The following SDC2 variants were observed in gnomAD, a reference collection of about 807,000 sequenced individuals.
SDC2 encodes syndecan 2, also known as syndecan-2.
SDC2 carries 13 observed loss-of-function variants against 22.2 expected under a neutral mutation model. The ratio of observed to expected loss-of-function variants is 0.59; its 90% CI spans 0.38 to 0.93. The LOEUF (loss-of-function observed/expected upper bound fraction) is 0.93, where lower values mean the gene tolerates loss of function less well. Among genes scored for constraint, SDC2 ranks in the 40% least tolerant of loss-of-function variants. The pLI is 0.00. For synonymous variants in SDC2, 94 were observed against 92.8 expected, an observed-to-expected ratio of 1.01 and a Z score of -0.07; for missense variants, 235 against 246.8, an observed-to-expected ratio of 0.95 and a Z score of 0.32.
chr8:96,521,023 G>C (rs896357706), intron 1 of SDC2, among the ~76,000 whole-genome samples: 1 of 152,158 alleles, frequency 6.6e-6, no homozygotes, highest in Non-Finnish European at 1.5e-5. Flanking sequence ...TCATTTTATT[G>C]ATCAAGAAGC....
At chr8:96,506,633 C>T (rs995893805) in intron 1 of SDC2, among the ~76,000 whole-genome samples, 30 of 152,018 alleles carry the variant, frequency 2.0e-4, no homozygotes, top group Admixed American at 7.2e-4. Flanking sequence ...CCAGTCCTGG[C>T]TGAGTTTTTG....
intron 4 of SDC2, among the ~76,000 whole-genome samples, chr8:96,608,990 A>G (rs1815131272): frequency 6.6e-6 from 1 of 152,246 alleles, no homozygotes; most frequent in Non-Finnish European, 1.5e-5. Context: ...ATAAATTTGC[A>G]TGCTTTTTTT....
At chr8:96,513,183 G>A (rs1395471036) in intron 1 of SDC2, among the ~76,000 whole-genome samples, 1 of 152,066 alleles carries the variant, frequency 6.6e-6, no homozygotes, top group Non-Finnish European at 1.5e-5. Flanking sequence ...AAAATAACAT[G>A]GTATTTCCAA....
intron 1 of SDC2, among the ~76,000 whole-genome samples, chr8:96,546,710 A>C (rs1351207608): frequency 6.6e-6 from 1 of 152,176 alleles, no homozygotes; most frequent in East Asian, 1.9e-4. Context: ...AAGGAGGTGA[A>C]TTACTAGTTA....
chr8:96,599,411 T>G (rs139942985), intron 2 of SDC2, among the ~76,000 whole-genome samples: 1 of 152,326 alleles, frequency 6.6e-6, no homozygotes, highest in Non-Finnish European at 1.5e-5. Flanking sequence ...TCATTGAAGT[T>G]TTATTCTTTG....
intron 1 of SDC2, among the ~76,000 whole-genome samples, chr8:96,524,523 C>T (rs1336405202): frequency 6.6e-6 from 1 of 152,128 alleles, no homozygotes; most frequent in Non-Finnish European, 1.5e-5. Flanking sequence ...GTATCAACTC[C>T]TCTGGTTTCA....
At chr8:96,575,369 G>A in intron 1 of SDC2, among the ~76,000 whole-genome samples, 1 of 149,936 alleles carries the variant, frequency 6.7e-6, no homozygotes, top group East Asian at 2.0e-4. Context: ...GGGGTGGTGG[G>A]GGTAGGGTGG....
At chr8:96,501,469 A>G (rs969621135) in intron 1 of SDC2, among the ~76,000 whole-genome samples, 1 of 151,320 alleles carries the variant, frequency 6.6e-6, no homozygotes, top group South Asian at 2.1e-4. Context: ...ACGCCTGGCT[A>G]TTCTTTTTTT....
chr8:96,596,429 T>C (rs142952604), intron 2 of SDC2, among the ~76,000 whole-genome samples: 286 of 152,314 alleles, frequency 1.9e-3, no homozygotes, highest in African/African-American at 6.5e-3. Flanking sequence ...GATAGGACTA[T>C]GTTCTATATG....
chr8:96,501,692 G>A (rs780184853), intron 1 of SDC2, among the ~76,000 whole-genome samples: 9 of 152,090 alleles, frequency 5.9e-5, no homozygotes, highest in Non-Finnish European at 1.3e-4. Flanking sequence ...CAAGGCAAAA[G>A]CAAGGTTTTA....
At position 96,565,084 on chromosome 8, in the gene SDC2, A is replaced by ATTTTTTTTTTTTTTT. The variant is rs11304418; in HGVS notation, c.61-28395_61-28381dup. Among the ~76,000 whole-genome samples, 426 of 67,716 alleles carry ATTTTTTTTTTTTTTT rather than the reference A, an allele frequency of 6.3e-3. 55 individuals are homozygous for ATTTTTTTTTTTTTTT. The highest frequency in any genetic ancestry group is 0.028 in the Middle Eastern group (2 of 72). 44.4% of individuals were successfully genotyped at this position (67,716 alleles called of 152,430 possible). ...GATCACTGAGACCATCCTAAATTTGATTTTTTTTTTTTTTTGTTGAGATGG... is the reference window on the plus strand; with the variant it reads ...GATCACTGAGACCATCCTAAATTTGATTTTTTTTTTTTTTTTTTTTTTTTTTTTTTGTTGAGATGG... On this transcript the variant is annotated intron_variant, in intron 1 of 4. Transcript: ENST00000302190.
At chr8:96,555,841 A>G (rs1814099650) in intron 1 of SDC2, among the ~76,000 whole-genome samples, 1 of 152,194 alleles carries the variant, frequency 6.6e-6, no homozygotes. Context: ...GGGCACCCAT[A>G]CAAACCCACA....
intron 1 of SDC2, among the ~76,000 whole-genome samples, chr8:96,526,557 C>T (rs1813581592): frequency 6.6e-6 from 1 of 152,028 alleles, no homozygotes; most frequent in Non-Finnish European, 1.5e-5. Context: ...TGCAGGAAGG[C>T]CAACGCAGGT....
intron 1 of SDC2, among the ~76,000 whole-genome samples, chr8:96,500,144 A>G (rs1027458653): frequency 6.6e-6 from 1 of 152,162 alleles, no homozygotes; most frequent in Non-Finnish European, 1.5e-5. Context: ...TGTCAAGAAT[A>G]AAGAAGACAT....
intron 1 of SDC2, among the ~76,000 whole-genome samples, chr8:96,534,345 A>G (rs1310448709): frequency 6.6e-6 from 1 of 152,194 alleles, no homozygotes; most frequent in Non-Finnish European, 1.5e-5. Context: ...CAAGTGAGGG[A>G]TGCGAGGGCT....
chr8:96,569,726 T>C (rs985460062), intron 1 of SDC2, among the ~76,000 whole-genome samples: 1 of 152,162 alleles, frequency 6.6e-6, no homozygotes, highest in African/African-American at 2.4e-5. Flanking sequence ...TAGGTACCAT[T>C]GTTAATCCAT....
rs1259076936 is a variant in SDC2, at chr8:96,610,403, TTTG to T, written c.*858_*860del. 1 of 152,620 alleles carries T rather than the reference TTTG, an allele frequency of 6.6e-6. No homozygotes were observed. Among genetic ancestry groups the T allele is most frequent in the Non-Finnish European group, 1.5e-5 (1 of 68,032 alleles). 9.5% of individuals were successfully genotyped at this position (152,620 alleles called of 1,614,324 possible). On this transcript the variant is annotated 3_prime_UTR_variant, in exon 5 of 5. Transcript: ENST00000302190. ...GTAGAGGTTTAAAGAAAAATCAGTT[TTTG>T]TTCTTAAAAATGCATTTAAGTTGTA...
At chr8:96,579,211 A>G (rs977365331) in intron 1 of SDC2, among the ~76,000 whole-genome samples, 6 of 152,350 alleles carry the variant, frequency 3.9e-5, no homozygotes, top group African/African-American at 1.4e-4. Context: ...GCATTTTAAT[A>G]AAGTCTTAAT....
intron 1 of SDC2, among the ~76,000 whole-genome samples, chr8:96,576,921 G>A (rs1441335403): frequency 6.6e-6 from 1 of 152,172 alleles, no homozygotes; most frequent in Admixed American, 6.5e-5. Flanking sequence ...TCCCAAGAAT[G>A]TATTGAGATG....
Sources: gnomAD v4.1 joint callset for allele counts (sites outside exome capture counted in the v4.1 genomes callset) on GRCh38, gnomAD v4.1.1 for gene constraint, MANE v1.5 for transcripts, NCBI Gene and HGNC (gene_info 2026-07-23, HGNC 2026-07-21) for gene names.